The following TMEM161B variants were observed in gnomAD, a reference collection of about 807,000 sequenced individuals.
TMEM161B encodes the protein transmembrane protein 161B.
In TMEM161B, 34 loss-of-function variants were observed where a neutral mutation model predicts 61.8. The observed-to-expected ratio is 0.55, with a 90% CI of 0.42 to 0.73. The LOEUF (loss-of-function observed/expected upper bound fraction) is 0.73, where lower values mean the gene tolerates loss of function less well. Among genes scored for constraint, TMEM161B ranks in the 30% least tolerant of loss-of-function variants. The pLI, the probability that TMEM161B is intolerant of heterozygous loss-of-function variation, is 0.00. For missense variants in TMEM161B, 456 were observed against 558.5 expected (o/e 0.82, Z 1.85); for synonymous variants, 167 against 192.8 (o/e 0.87, Z 1.11).
intron 5 of TMEM161B, among the ~76,000 whole-genome samples, chr5:88,212,066 A>C (rs1350855495): frequency 6.6e-6 from 1 of 152,170 alleles, no homozygotes; most frequent in Non-Finnish European, 1.5e-5. Context: ...AAGAAAAATA[A>C]AGCAAAACTA....
rs922970833 is a variant in TMEM161B at position 88,228,651 on chromosome 5, C to G, written c.108-123G>C. ...ACTGTCGAGAAATATCAGGTGAAAA[C>G]TGTAATCTGAAACAAATACTAACTC... On this transcript the variant is annotated intron_variant, in intron 2 of 11. Transcript: ENST00000296595. 4.2e-6 allele frequency: 3 copies of G among 718,066 alleles called. No homozygotes were observed. In the African/African-American group the frequency reaches 5.4e-5, roughly 13 times the overall value. 44.5% of individuals were successfully genotyped at this position (718,066 alleles called of 1,614,324 possible).
intron 1 of TMEM161B, among the ~76,000 whole-genome samples, chr5:88,248,937 T>C (rs1753975178): frequency 6.6e-6 from 1 of 152,242 alleles, no homozygotes; most frequent in East Asian, 1.9e-4. Flanking sequence ...CTTCTTTTTT[T>C]TCCCCAGTAA....
Position 88,255,254 on chromosome 5 carries a change from A to G in TMEM161B, c.3+13467T>C, listed in dbSNP as rs113003371. ...CTCCCATATAATGCCAAAGCTGATA[A>G]AAGCAGCACAAAACAATCATGAAGA... On this transcript the variant is annotated intron_variant, in intron 1 of 11. Transcript: ENST00000296595. 9.2e-3 allele frequency among the ~76,000 whole-genome samples: 1,406 copies of G among 152,314 alleles called. 10 individuals are homozygous for G. The highest frequency in any genetic ancestry group is 0.027 in the Middle Eastern group (8 of 294).
At chr5:88,264,301 GACATTTATGTGGCCA>G in intron 1 of TMEM161B, among the ~76,000 whole-genome samples, 1 of 152,148 alleles carries the variant, frequency 6.6e-6, no homozygotes, top group South Asian at 2.1e-4. Flanking sequence ...CTCAAAAGAA[GACATTTATGTGGCCA>G]ACAAACATGA....
intron 1 of TMEM161B, among the ~76,000 whole-genome samples, chr5:88,244,979 C>T (rs1753377605): frequency 6.6e-6 from 1 of 151,706 alleles, no homozygotes. Context: ...GATTTTTATA[C>T]ATTGATTTTT....
intron 4 of TMEM161B, chr5:88,221,796 C>T: frequency 2.2e-6 from 1 of 455,646 alleles, no homozygotes; most frequent in South Asian, 1.6e-5. Flanking sequence ...ACATAACCAT[C>T]AATTCAGATG....
At chr5:88,229,102 T>C (rs1270909633) in intron 2 of TMEM161B, among the ~76,000 whole-genome samples, 2 of 152,236 alleles carry the variant, frequency 1.3e-5, no homozygotes, top group Non-Finnish European at 2.9e-5. Context: ...CAACTGGTTG[T>C]ATCCCTCTCT....
intron 1 of TMEM161B, among the ~76,000 whole-genome samples, chr5:88,257,229 C>G (rs542147070): frequency 6.6e-6 from 1 of 152,210 alleles, no homozygotes; most frequent in Admixed American, 6.5e-5. Flanking sequence ...TCACACCACT[C>G]ACTGCTCTCC....
chr5:88,241,602 C>T lies in TMEM161B; in HGVS notation c.4-686G>A, dbSNP rs147967891. 5.3e-5 allele frequency among the ~76,000 whole-genome samples: 8 copies of T among 151,876 alleles called. No individual in the cohort carries two copies. The East Asian group carries it at 9.7e-4, about 18-fold the overall frequency. ...TAGTGATCACAAACCATTAACTATA[C>T]GAAGTGTGATGGCAGAACTGGCCTG... On this transcript the variant is annotated intron_variant, in intron 1 of 11. Transcript: ENST00000296595.
At chr5:88,244,230 T>G (rs1486892126) in intron 1 of TMEM161B, among the ~76,000 whole-genome samples, 1 of 151,970 alleles carries the variant, frequency 6.6e-6, no homozygotes, top group Non-Finnish European at 1.5e-5. Flanking sequence ...CAGGATAGTA[T>G]TTCCCAGGTT....
chr5:88,226,003 G>A, intron 3 of TMEM161B, 137 bp from the exon 4 acceptor site: 3 of 546,006 alleles, frequency 5.5e-6, no homozygotes, highest in South Asian at 6.1e-5. Context: ...TCAATAAGGA[G>A]GTAAAGTACT....
At chr5:88,251,946 A>C (rs1456856070) in intron 1 of TMEM161B, among the ~76,000 whole-genome samples, 1 of 152,170 alleles carries the variant, frequency 6.6e-6, no homozygotes, top group Non-Finnish European at 1.5e-5. Context: ...AGCACACTTG[A>C]TTACTTGTTG....
At chr5:88,230,521 C>A (rs1245985294) in intron 2 of TMEM161B, among the ~76,000 whole-genome samples, 2 of 152,178 alleles carry the variant, frequency 1.3e-5, no homozygotes, top group Non-Finnish European at 2.9e-5. Context: ...GCTTCTACAG[C>A]CTTTCATGAT....
intron 5 of TMEM161B, among the ~76,000 whole-genome samples, chr5:88,218,889 A>T: frequency 6.6e-6 from 1 of 152,238 alleles, no homozygotes; most frequent in East Asian, 1.9e-4. Context: ...ACCTTTTTGA[A>T]GATGATACTG....
At chr5:88,227,557 T>A (rs1750262572) in intron 3 of TMEM161B, among the ~76,000 whole-genome samples, 1 of 152,180 alleles carries the variant, frequency 6.6e-6, no homozygotes, top group Non-Finnish European at 1.5e-5. Context: ...TTTGTAATGA[T>A]AAGTGAAAAA....
intron 11 of TMEM161B, among the ~76,000 whole-genome samples, chr5:88,196,773 A>G (rs1374439101): frequency 2.6e-5 from 4 of 152,098 alleles, no homozygotes; most frequent in African/African-American, 9.7e-5. Context: ...CAATTTCCTC[A>G]TTGTATAAGA....
At chr5:88,262,639 T>A (rs1336635655) in intron 1 of TMEM161B, among the ~76,000 whole-genome samples, 2 of 152,140 alleles carry the variant, frequency 1.3e-5, no homozygotes. Context: ...TGAAAGAAGT[T>A]AATCTGAAAA....
chr5:88,196,298 CA>C lies in TMEM161B; in HGVS notation c.1376del (p.Leu459ArgfsTer4), dbSNP rs771667048. On this transcript the variant is annotated frameshift_variant, in exon 12 of 12. Transcript: ENST00000296595. LOFTEE classifies it high-confidence loss of function. ...IFTPLLFRGL[L>X]SFLTWWIAAC... ...CAGCAATCCACCAGGTCAGAAAAGA[CA>C]GAAGTCCTCGAAAAAGAAGAGGAGT... 6.2e-7 allele frequency: 1 copy of C among 1,613,128 alleles called. No individual in the cohort carries two copies.
At chr5:88,256,142 T>G (rs1182990456) in intron 1 of TMEM161B, among the ~76,000 whole-genome samples, 2 of 152,196 alleles carry the variant, frequency 1.3e-5, no homozygotes, top group Non-Finnish European at 2.9e-5. Flanking sequence ...CAAACCATTT[T>G]AACATATTGG....
Sources: gnomAD v4.1 joint callset for allele counts (sites outside exome capture counted in the v4.1 genomes callset) on GRCh38, gnomAD v4.1.1 for gene constraint, MANE v1.5 for transcripts, NCBI Gene and HGNC (gene_info 2026-07-23, HGNC 2026-07-21) for gene names.